The following RHOT1 variants were observed in gnomAD, a reference collection of about 807,000 sequenced individuals.
RHOT1 encodes the protein mitochondrial Rho GTPase 1.
A neutral mutation model predicts 95.3 loss-of-function variants in RHOT1; 27 were observed. That is an observed-to-expected ratio of 0.28 (90% CI 0.21 to 0.39). The LOEUF is 0.39. Ranked by LOEUF, RHOT1 falls within the 10% of genes least tolerant of loss-of-function variation. RHOT1 has a pLI of 1.00. For synonymous variants in RHOT1, 227 were observed against 263.5 expected (o/e 0.86, Z 1.34); for missense variants, 578 against 786.7 (o/e 0.73, Z 3.17).
At chr17:32,213,114 A>G (rs1363307297) in intron 19 of RHOT1, among the ~76,000 whole-genome samples, 4 of 152,198 alleles carry the variant, frequency 2.6e-5, no homozygotes, top group African/African-American at 7.2e-5. Flanking sequence ...TTAAAGTCAG[A>G]TGTTTTTCAT....
chr17:32,195,700 T>C (rs922171474), intron 11 of RHOT1, among the ~76,000 whole-genome samples: 20 of 152,262 alleles, frequency 1.3e-4, no homozygotes, highest in African/African-American at 3.9e-4. Flanking sequence ...TTCTCCGTTA[T>C]TGAGGAAGCA....
In RHOT1 at chr17:32,205,771, C is replaced by G. The variant is rs151331829; in HGVS notation, c.1417-1139C>G. ...CCCTGTCCCGGGCTGGTCTCAAACT[C>G]CTGGGCTCAAGCGATCTGCCCACCT... is the stretch of plus-strand genomic sequence containing the variant. On this transcript the variant is annotated intron_variant, in intron 16 of 19. Transcript: ENST00000545287. Among the ~76,000 whole-genome samples, 334 of 152,266 alleles carry G rather than the reference C, an allele frequency of 2.2e-3. 1 individual carries two copies. Among genetic ancestry groups the G allele is most frequent in the African/African-American group, 7.5e-3 (312 of 41,548 alleles).
At chr17:32,196,247 G>A (rs1392006910) in intron 11 of RHOT1, among the ~76,000 whole-genome samples, 1 of 149,120 alleles carries the variant, frequency 6.7e-6, no homozygotes, top group Non-Finnish European at 1.5e-5. Context: ...ATGCAGTGGT[G>A]TGACATGATC....
At position 32,219,643 on chromosome 17, in the gene RHOT1, T is replaced by G. The variant is rs35894985; in HGVS notation, c.1863-4973T>G. Among the ~76,000 whole-genome samples the G allele has an allele frequency of 6.5e-3, 984 of 152,272 alleles. 15 individuals are homozygous for G. The highest frequency in any genetic ancestry group is 0.022 in the African/African-American group (894 of 41,542). ...CTCTCTGCATTATTAAGTAGTGGCC[T>G]TAATAAAACCCAAGTCCAGACGTGT... On this transcript the variant is annotated intron_variant, in intron 19 of 19. Transcript: ENST00000545287.
rs2031921274 is a variant in RHOT1, at chr17:32,149,605, A to G, written c.37+6876A>G. Among the ~76,000 whole-genome samples the G allele has an allele frequency of 2.6e-3, 194 of 74,192 alleles. 3 individuals are homozygous for G. The highest frequency in any genetic ancestry group is 0.017 in the African/African-American group (168 of 10,082). The allele number at this position is 74,192 out of a possible 152,430, so 48.7% of individuals were successfully genotyped here. A position where few individuals can be genotyped will look rare whatever the true frequency, so the allele number is the denominator to read the frequency against. ...GCCCAGCAGTTCTATATATATATAT[A>G]TATATATATATATATATATATATAT... On this transcript the variant is annotated intron_variant, in intron 1 of 19. Transcript: ENST00000545287.
intron 1 of RHOT1, among the ~76,000 whole-genome samples, chr17:32,147,747 G>A (rs1179751661): frequency 3.3e-5 from 5 of 151,874 alleles, no homozygotes; most frequent in Non-Finnish European, 7.4e-5. Flanking sequence ...TTGAACCCAG[G>A]AGGCGGAGGG....
In RHOT1 at chr17:32,224,682, T is replaced by C; in HGVS notation, c.1929T>C (p.Val643=). Reference sequence around the variant, plus strand: ...TTCGAGCAAGTTTTGGTGCTACTGTTTTTGCAGTTTTGGGCTTTGCTATGT... The same window carrying C: ...TTCGAGCAAGTTTTGGTGCTACTGTCTTTGCAGTTTTGGGCTTTGCTATGT... ...FWLRASFGAT[V]FAVLGFAMYK... Residue 643 remains valine, a synonymous_variant, in exon 20 of 20, where the codon GTT becomes GTC. Transcript: ENST00000545287. 1 of 1,613,678 alleles carries C rather than the reference T, an allele frequency of 6.2e-7. No individual in the cohort carries two copies. The highest frequency in any genetic ancestry group is 8.5e-7 in the Non-Finnish European group (1 of 1,179,718).
chr17:32,172,455 C>T (rs952032871), intron 2 of RHOT1, among the ~76,000 whole-genome samples: 3 of 152,234 alleles, frequency 2.0e-5, no homozygotes, highest in South Asian at 4.2e-4. Flanking sequence ...TTTAGTTTTT[C>T]ACTTTTTTAG....
intron 14 of RHOT1, among the ~76,000 whole-genome samples, chr17:32,201,400 A>G (rs886380353): frequency 2.6e-5 from 4 of 152,242 alleles, no homozygotes; most frequent in African/African-American, 9.6e-5. Flanking sequence ...CTGTATTAAT[A>G]CAGCTTTCAC....
At chr17:32,202,347 A>C (rs2037387888) in intron 14 of RHOT1, among the ~76,000 whole-genome samples, 1 of 152,164 alleles carries the variant, frequency 6.6e-6, no homozygotes, top group African/African-American at 2.4e-5. Flanking sequence ...CGTTTTATGG[A>C]TCCAGCTCCA....
intron 8 of RHOT1, among the ~76,000 whole-genome samples, chr17:32,189,605 T>G (rs1023933932): frequency 6.6e-6 from 1 of 152,206 alleles, no homozygotes; most frequent in African/African-American, 2.4e-5. Flanking sequence ...TACTCAGTTC[T>G]TAGGTGGACC....
At chr17:32,165,384 AT>A (rs2033983792) in intron 1 of RHOT1, among the ~76,000 whole-genome samples, 1 of 148,812 alleles carries the variant, frequency 6.7e-6, no homozygotes, top group South Asian at 2.1e-4. Context: ...TTAGCCAGGC[AT>A]GGTGGCACAT....
At chr17:32,193,889 G>A in intron 10 of RHOT1, 98 bp from the exon 11 acceptor site, 2 of 1,404,384 alleles carry the variant, frequency 1.4e-6, no homozygotes, top group Non-Finnish European at 1.9e-6. Flanking sequence ...TGCAAAGCTA[G>A]CATCCGTATG....
intron 18 of RHOT1, among the ~76,000 whole-genome samples, chr17:32,210,508 T>A (rs1229348565): frequency 6.6e-6 from 1 of 152,234 alleles, no homozygotes; most frequent in Non-Finnish European, 1.5e-5. Context: ...AAATCAACCC[T>A]ATATTTTATT....
At chr17:32,149,621 ATATATATATATATATG>A (rs1231979404) in intron 1 of RHOT1, among the ~76,000 whole-genome samples, 2 of 84,404 alleles carry the variant, frequency 2.4e-5, no homozygotes, top group East Asian at 3.4e-4. Flanking sequence ...ATATATATAT[ATATATATATATATATG>A]TGTGTGTGTG....
chr17:32,185,364 C>T (rs1191381386), intron 8 of RHOT1, among the ~76,000 whole-genome samples: 1 of 152,198 alleles, frequency 6.6e-6, no homozygotes, highest in Non-Finnish European at 1.5e-5. Context: ...CCTGCCTCAG[C>T]CTCCCAAAGT....
chr17:32,205,201 T>A (rs1226897540), intron 16 of RHOT1, among the ~76,000 whole-genome samples: 2 of 151,934 alleles, frequency 1.3e-5, no homozygotes, highest in Non-Finnish European at 2.9e-5. Context: ...CTGTGTGTGA[T>A]GTTCCCCTCC....
At position 32,171,219 on chromosome 17, in the gene RHOT1, T is replaced by A; in HGVS notation, c.96+118T>A. ...GTGCTTCCTTTTGGACAGTTGAGAC[T>A]TTTTTTTCTCCCTTCTTTAGAGACA... On this transcript the variant is annotated intron_variant, in intron 2 of 19. Coordinates refer to ENST00000545287, the MANE Select transcript of RHOT1 (RefSeq NM_001033566.3). 4.7e-6 allele frequency: 3 copies of A among 642,566 alleles called. 1 individual carries two copies. In the South Asian group the frequency reaches 6.3e-5, roughly 13 times the overall value. 39.8% of individuals were successfully genotyped at this position (642,566 alleles called of 1,614,324 possible).
rs377468429 is a variant in RHOT1, at chr17:32,208,329, A to G, written c.1739+20A>G. On this transcript the variant is annotated intron_variant, in intron 18 of 19. Coordinates refer to ENST00000545287, the MANE Select transcript of RHOT1 (RefSeq NM_001033566.3). Reference sequence around the variant, plus strand: ...GTATCCGTAAGTACTTGCTGTCTTCATTTTCATGTTGCATGGTTCATAACA... The same window carrying G: ...GTATCCGTAAGTACTTGCTGTCTTCGTTTTCATGTTGCATGGTTCATAACA... The G allele has an allele frequency of 2.8e-4, 453 of 1,599,480 alleles. No individual in the cohort carries two copies. Among genetic ancestry groups the G allele is most frequent in the Non-Finnish European group, 3.8e-4 (447 of 1,166,822 alleles).
Sources: allele counts gnomAD v4.1 joint callset (sites outside exome capture counted in the v4.1 genomes callset), GRCh38; gene constraint gnomAD v4.1.1; transcripts MANE v1.5; gene names NCBI Gene and HGNC (gene_info 2026-07-23, HGNC 2026-07-21).